The following ZBTB16 variants were observed in gnomAD, a reference collection of about 807,000 sequenced individuals.
ZBTB16 encodes the protein zinc finger and BTB domain-containing protein 16.
In ZBTB16, 8 loss-of-function variants were observed where a neutral mutation model predicts 56.8. The observed-to-expected ratio is 0.14, with a 90% confidence interval of 0.08 to 0.25. The LOEUF (loss-of-function observed/expected upper bound fraction) is 0.25, where lower values mean the gene tolerates loss of function less well. ZBTB16 is among the 10% of genes least tolerant of loss of function. ZBTB16 has a pLI of 1.00. For missense variants in ZBTB16, 625 were observed against 903.0 expected, an observed-to-expected ratio of 0.69 and a Z score of 3.95; for synonymous variants, 363 against 368.5, an observed-to-expected ratio of 0.98 and a Z score of 0.17.
intron 4 of ZBTB16, among the ~76,000 whole-genome samples, chr11:114,222,555 C>T (rs562477691): frequency 2.6e-5 from 4 of 152,058 alleles, no homozygotes; most frequent in East Asian, 1.9e-4. Context: ...CATTTGCTTG[C>T]GAGGACACCT....
At chr11:114,079,280 A>G (rs1258913336) in intron 2 of ZBTB16, among the ~76,000 whole-genome samples, 3 of 152,290 alleles carry the variant, frequency 2.0e-5, no homozygotes, top group East Asian at 3.9e-4. Context: ...TAAAGTGCAT[A>G]GCAGAGTGCA....
At chr11:114,157,674 A>G (rs1407768191) in intron 3 of ZBTB16, among the ~76,000 whole-genome samples, 1 of 152,188 alleles carries the variant, frequency 6.6e-6, no homozygotes, top group South Asian at 2.1e-4. Flanking sequence ...GCCTTGCTGC[A>G]GGGCCCATGT....
intron 3 of ZBTB16, among the ~76,000 whole-genome samples, chr11:114,176,177 G>C (rs1198852403): frequency 3.9e-5 from 6 of 152,172 alleles, no homozygotes. Context: ...GGGGCCAACA[G>C]AAACTTCTCT....
In ZBTB16 at chr11:114,174,219, G is replaced by A. The variant is rs184740959; in HGVS notation, c.1367-12733G>A. Among the ~76,000 whole-genome samples, 48 of 152,246 alleles carry A rather than the reference G, an allele frequency of 3.2e-4. 4 individuals are homozygous for A. The East Asian group carries it at 4.3e-3, about 13-fold the overall frequency. ...TCTGTCGGATAGACAGTGTTGTTTCGTGCCTGGACCAGGAGGTGAGAGTTT... is the reference window on the plus strand; with the variant it reads ...TCTGTCGGATAGACAGTGTTGTTTCATGCCTGGACCAGGAGGTGAGAGTTT... On this transcript the variant is annotated intron_variant, in intron 3 of 6. Coordinates refer to ENST00000335953, the MANE Select transcript of ZBTB16 (RefSeq NM_006006.6).
At chr11:114,165,499 A>G (rs562901675) in intron 3 of ZBTB16, among the ~76,000 whole-genome samples, 3 of 152,360 alleles carry the variant, frequency 2.0e-5, no homozygotes, top group Admixed American at 6.5e-5. Flanking sequence ...TGCCTGGTAC[A>G]TAGGAGTGTT....
Position 114,206,804 on chromosome 11 carries a change from C to T in ZBTB16, c.1453+19766C>T, listed in dbSNP as rs114521074. ...TGAGGAGTGATGTTTTTAGGTTCCC[C>T]ATCCCTTTGTCTGCCCAAAATCCAG... On this transcript the variant is annotated intron_variant, in intron 4 of 6. Transcript: ENST00000335953. Among the ~76,000 whole-genome samples, 1,347 of 152,278 alleles carry T rather than the reference C, an allele frequency of 8.8e-3. 23 individuals carry two copies. The highest frequency in any genetic ancestry group is 0.031 in the African/African-American group (1,274 of 41,554).
intron 2 of ZBTB16, among the ~76,000 whole-genome samples, chr11:114,154,530 CT>C (rs1565654987): frequency 6.6e-6 from 1 of 152,194 alleles, no homozygotes; most frequent in Non-Finnish European, 1.5e-5. Flanking sequence ...TCACATACCC[CT>C]AGGTATGTAG....
At position 114,073,772 on chromosome 11, in the gene ZBTB16, G is replaced by T. The variant is rs1039580966; in HGVS notation, c.1268+9204G>T. Among the ~76,000 whole-genome samples, 5 of 152,166 alleles carry T rather than the reference G, an allele frequency of 3.3e-5. No homozygotes were observed. The South Asian group carries it at 8.3e-4, about 25-fold the overall frequency. ...GTCACAGACATTTTGATGAAGGGGGGACATTCTGGGCCATTTGAAGTGGTT... is the reference window on the plus strand; with the variant it reads ...GTCACAGACATTTTGATGAAGGGGGTACATTCTGGGCCATTTGAAGTGGTT... On this transcript the variant is annotated intron_variant, in intron 2 of 6. Coordinates refer to ENST00000335953, the MANE Select transcript of ZBTB16 (RefSeq NM_006006.6).
At chr11:114,122,057 C>T (rs1333557411) in intron 2 of ZBTB16, 1 of 303,814 alleles carries the variant, frequency 3.3e-6, no homozygotes, top group Non-Finnish European at 6.5e-6. Flanking sequence ...TCTATAGCAA[C>T]CATTTATTCT....
At chr11:114,167,663 C>T (rs1291932033) in intron 3 of ZBTB16, among the ~76,000 whole-genome samples, 1 of 152,100 alleles carries the variant, frequency 6.6e-6, no homozygotes, top group African/African-American at 2.4e-5. Flanking sequence ...CCCTCCTGCT[C>T]TCCCAGCGAC....
intron 2 of ZBTB16, among the ~76,000 whole-genome samples, chr11:114,089,277 A>G (rs974319651): frequency 6.6e-6 from 1 of 152,152 alleles, no homozygotes; most frequent in Admixed American, 6.5e-5. Flanking sequence ...TCTCATTTGT[A>G]CATTATAGGT....
intron 2 of ZBTB16, among the ~76,000 whole-genome samples, chr11:114,131,649 G>A (rs1034331009): frequency 2.0e-5 from 3 of 152,140 alleles, no homozygotes; most frequent in Admixed American, 6.5e-5. Flanking sequence ...TAAACAATCC[G>A]AGAGGGGGGA....
chr11:114,180,423 G>A (rs922754692), intron 3 of ZBTB16, among the ~76,000 whole-genome samples: 3 of 152,224 alleles, frequency 2.0e-5, no homozygotes, highest in Admixed American at 1.3e-4. Flanking sequence ...CTCACTGACT[G>A]TAGCGGAGGG....
chr11:114,199,994 G>A (rs534052476), intron 4 of ZBTB16, among the ~76,000 whole-genome samples: 58 of 152,176 alleles, frequency 3.8e-4, no homozygotes, highest in Admixed American at 1.4e-3. Context: ...CGGGCTTGGT[G>A]GCGGGCACCT....
At chr11:114,070,432 C>T (rs1163250354) in intron 2 of ZBTB16, among the ~76,000 whole-genome samples, 2 of 152,162 alleles carry the variant, frequency 1.3e-5, no homozygotes, top group Non-Finnish European at 2.9e-5. Context: ...AAAGTCTGAA[C>T]AGTTTTGGTC....
intron 2 of ZBTB16, among the ~76,000 whole-genome samples, chr11:114,094,016 A>C (rs11214866): frequency 0.025 from 3,757 of 152,270 alleles, 143 homozygotes; most frequent in African/African-American, 0.084. Flanking sequence ...GCCCTTAAAA[A>C]TATTTTTGAC....
intron 2 of ZBTB16, chr11:114,121,759 C>A: frequency 2.2e-6 from 1 of 454,410 alleles, no homozygotes; most frequent in South Asian, 1.6e-5. Context: ...GTATATTATA[C>A]TCGCAGTTTT....
chr11:114,171,005 T>G (rs894096166), intron 3 of ZBTB16, among the ~76,000 whole-genome samples: 1 of 152,172 alleles, frequency 6.6e-6, no homozygotes, highest in Non-Finnish European at 1.5e-5. Flanking sequence ...ATCCAGCACA[T>G]CTGAGAGAGC....
chr11:114,167,231 GGTTTTTT>G (rs1942789060), intron 3 of ZBTB16, among the ~76,000 whole-genome samples: 1 of 43,164 alleles, frequency 2.3e-5, no homozygotes, highest in African/African-American at 4.6e-5. Flanking sequence ...TTTTTTTTTT[GGTTTTTT>G]TTTTTTTTTT....
Sources: allele counts gnomAD v4.1 joint callset (sites outside exome capture counted in the v4.1 genomes callset), GRCh38; gene constraint gnomAD v4.1.1; transcripts MANE v1.5; gene names NCBI Gene and HGNC (gene_info 2026-07-23, HGNC 2026-07-21).